Variants in KDR observed in about 807,000 individuals in gnomAD.
KDR encodes kinase insert domain receptor, also known as vascular endothelial growth factor receptor 2.
Under a neutral mutation model 160.9 loss-of-function variants are expected in KDR, and 43 were observed. That is an observed-to-expected ratio of 0.27 (90% CI 0.21 to 0.34). The LOEUF is 0.34. Among genes scored for constraint, KDR ranks in the 10% least tolerant of loss-of-function variants. KDR has a pLI of 1.00. For missense variants in KDR, 1,469 were observed against 1,666.4 expected (o/e 0.88, Z 2.06); for synonymous variants, 617 against 600.1 (o/e 1.03, Z -0.41).
chr4:55,109,361 A>G (rs1297487237), intron 9 of KDR, among the ~76,000 whole-genome samples: 1 of 152,008 alleles, frequency 6.6e-6, no homozygotes, highest in African/African-American at 2.4e-5. Context: ...GGGATTACAG[A>G]TGCAAACCAC....
Position 55,082,582 on chromosome 4 carries a change from A to C in KDR, c.3716T>G (p.Phe1239Cys). 6.2e-7 allele frequency: 1 copy of C among 1,613,942 alleles called. No individual in the cohort carries two copies. The highest frequency in any genetic ancestry group is 8.5e-7 in the Non-Finnish European group (1 of 1,179,906). ...RKSRPVSVKT[F>C]EDIPLEEPEV... ...TGGTTCTTCTAACGGGATATCTTCA[A>C]ATGTTTTTACACTCACAGGCCGGCT... The change falls in exon 28 of 30, where the codon TTT becomes TGT. Residue 1239 changes from phenylalanine to cysteine, a missense_variant. This residue lies in a region of KDR where 229 missense variants were observed against 197.8 expected (regional missense o/e 1.16). Transcript: ENST00000263923.
Position 55,107,864 on chromosome 4 carries a change from T to G in KDR, c.1285A>C (p.Ile429Leu). 1 of 1,613,886 alleles carries G rather than the reference T, an allele frequency of 6.2e-7. No homozygotes were observed. The highest frequency in any genetic ancestry group is 8.5e-7 in the Non-Finnish European group (1 of 1,179,886). Residue 429 changes from isoleucine to leucine, a missense_variant, in exon 10 of 30, where the codon ATC becomes CTC. Transcript: ENST00000263923. ...VPPQIGEKSL[I>L]SPVDSYQYGT... is the part of the protein sequence containing the mutation. Reference sequence around the variant, plus strand: ...TACTGGTAGGAATCCACAGGAGAGATTAGAGATTTCTCACCAATCTGGGGT... The same window carrying G: ...TACTGGTAGGAATCCACAGGAGAGAGTAGAGATTTCTCACCAATCTGGGGT...
chr4:55,121,263 A>C, intron 1 of KDR, 73 bp from the exon 2 acceptor site: 1 of 999,050 alleles, frequency 1.0e-6, no homozygotes, highest in Non-Finnish European at 1.6e-6. Context: ...TCCATAAACA[A>C]TGCATACTCT....
Position 55,078,690 on chromosome 4 carries a change from A to G in KDR, c.*1251T>C, listed in dbSNP as rs1719642952. On this transcript the variant is annotated 3_prime_UTR_variant, in exon 30 of 30. Coordinates refer to ENST00000263923, the MANE Select transcript of KDR (RefSeq NM_002253.4). ...ATAGTCATTGTTCCCAGCATTTCACACTATGGTACCAAACAAAAAACACAT... is the reference window on the plus strand; with the variant it reads ...ATAGTCATTGTTCCCAGCATTTCACGCTATGGTACCAAACAAAAAACACAT... The G allele has an allele frequency of 4.3e-6, 1 of 232,774 alleles. No homozygotes were observed. The highest frequency in any genetic ancestry group is 1.8e-4 in the South Asian group (1 of 5,534). The allele number at this position is 232,774 out of a possible 1,614,324, so 14.4% of individuals were successfully genotyped here. A position where few individuals can be genotyped will look rare whatever the true frequency, so the allele number is the denominator to read the frequency against.
In KDR at chr4:55,082,556, C is replaced by T. The variant is rs1719761869; in HGVS notation, c.3742G>A (p.Glu1248Lys). 2 of 1,612,668 alleles carry T rather than the reference C, an allele frequency of 1.2e-6. No individual in the cohort carries two copies. The highest frequency in any genetic ancestry group is 1.7e-6 in the Non-Finnish European group (2 of 1,178,786). ...CTTACATCTGGGATTACTTTTACTT[C>T]TGGTTCTTCTAACGGGATATCTTCA... is the stretch of plus-strand genomic sequence containing the variant. ...TFEDIPLEEP[E>K]VKVIPDDNQT... The change falls in exon 28 of 30, where the codon GAA becomes AAA. Residue 1248 changes from glutamate to lysine, a missense_variant. Physicochemically the swap from Glu to Lys is moderately conservative, Grantham distance 56. Transcript: ENST00000263923.
intron 2 of KDR, 109 bp from the exon 3 acceptor site, chr4:55,118,909 C>T (rs1720799054): frequency 1.1e-6 from 1 of 875,778 alleles, no homozygotes; most frequent in East Asian, 2.6e-5. Context: ...CTTCAACAGA[C>T]ACAGTCAGTC....
At chr4:55,110,838 A>G (rs937775228) in intron 7 of KDR, 70 bp from the exon 8 acceptor site, 17 of 1,297,622 alleles carry the variant, frequency 1.3e-5, no homozygotes, top group Non-Finnish European at 1.9e-5. Flanking sequence ...TTTTCATTTC[A>G]AGTGAAACGT....
intron 28 of KDR, 106 bp from the exon 29 acceptor site, chr4:55,082,147 T>A (rs932564308): frequency 2.3e-6 from 2 of 876,406 alleles, no homozygotes; most frequent in African/African-American, 3.3e-5. Context: ...TCAAATAAGG[T>A]CCTGTGGAAG....
rs2110010095 is a variant in KDR at position 55,088,875 on chromosome 4, G to C, written c.3503C>G (p.Ala1168Gly). 1.2e-6 allele frequency: 2 copies of C among 1,612,526 alleles called. No individual in the cohort carries two copies. The highest frequency in any genetic ancestry group is 1.7e-6 in the Non-Finnish European group (2 of 1,178,546). Residue 1168 changes from alanine (A) to glycine (G), a missense_variant, in exon 26 of 30, where the codon GCT becomes GGT. By Grantham distance (60) the Ala-to-Gly change is moderately conservative. Coordinates refer to ENST00000263923, the MANE Select transcript of KDR (RefSeq NM_002253.4). ...TGGATGGAGGTGACAAACCTGCTGA[G>C]CATTAGCTTGCAAGAGATTTCCCAA... Reference protein sequence around the residue: ...EHLGNLLQANAQQDGKDYIVL... With the variant: ...EHLGNLLQANGQQDGKDYIVL...
Position 55,087,699 on chromosome 4 carries a change from A to G in KDR, c.3570T>C (p.Ser1190=), listed in dbSNP as rs902490777. Residue 1190 remains serine, a synonymous_variant, in exon 27 of 30, where the codon TCT becomes TCC. Coordinates refer to ENST00000263923, the MANE Select transcript of KDR (RefSeq NM_002253.4). ...ISETLSMEED[S]GLSLPTSPVS... is the part of the protein sequence containing the mutation. Reference sequence around the variant, plus strand: ...CAGGTGAGGTAGGCAGAGAGAGTCCAGAATCCTCTTCCATGCTCAAAGTCT... The same window carrying G: ...CAGGTGAGGTAGGCAGAGAGAGTCCGGAATCCTCTTCCATGCTCAAAGTCT... The G allele has an allele frequency of 6.2e-7, 1 of 1,614,062 alleles. No individual in the cohort carries two copies. The highest frequency in any genetic ancestry group is 1.3e-5 in the African/African-American group (1 of 75,076).
intron 7 of KDR, among the ~76,000 whole-genome samples, chr4:55,112,170 A>C (rs1036450538): frequency 2.6e-5 from 4 of 152,176 alleles, no homozygotes; most frequent in African/African-American, 2.4e-5. Flanking sequence ...AAATAACACA[A>C]ACTTGAACTA....
In KDR at chr4:55,125,319, C is replaced by A; in HGVS notation, c.-26G>T. On this transcript the variant is annotated 5_prime_UTR_variant, in exon 1 of 30. Transcript: ENST00000263923. Reference sequence around the variant, plus strand: ...CCTGCACCTCGAGCCGGGCGAAATGCCCAGAACTCGGGAGCCGGTTCTTTC... The same window carrying A: ...CCTGCACCTCGAGCCGGGCGAAATGACCAGAACTCGGGAGCCGGTTCTTTC... 1 of 1,602,556 alleles carries A rather than the reference C, an allele frequency of 6.2e-7. No homozygotes were observed. Among genetic ancestry groups the A allele is most frequent in the Non-Finnish European group, 8.5e-7 (1 of 1,175,232 alleles).
intron 10 of KDR, among the ~76,000 whole-genome samples, chr4:55,107,078 GTTAAT>G (rs1005775739): frequency 1.3e-5 from 2 of 152,182 alleles, no homozygotes; most frequent in African/African-American, 4.8e-5. Context: ...GACAATTCAA[GTTAAT>G]TTAGTTCAAA....
chr4:55,082,474 T>C, intron 28 of KDR, 62 bp downstream of exon 28: 2 of 1,255,908 alleles, frequency 1.6e-6, no homozygotes, highest in Non-Finnish European at 2.3e-6. Flanking sequence ...GGCTAATATT[T>C]ATCTAGCTAG....
chr4:55,087,350 T>C (rs1432697910), intron 27 of KDR, among the ~76,000 whole-genome samples: 1 of 152,248 alleles, frequency 6.6e-6, no homozygotes, highest in Non-Finnish European at 1.5e-5. Flanking sequence ...AACTGTGGCA[T>C]TCCAGCTATT....
Position 55,079,742 on chromosome 4 carries a change from A to G in KDR, c.*199T>C. ...AGGATCAGGTCAACACTGGGAGAAG[A>G]CACAGACACATTCTTGGGTCACAAG... On this transcript the variant is annotated 3_prime_UTR_variant, in exon 30 of 30. Coordinates refer to ENST00000263923, the MANE Select transcript of KDR (RefSeq NM_002253.4). The G allele has an allele frequency of 1.6e-6, 1 of 627,228 alleles. No individual in the cohort carries two copies. Among genetic ancestry groups the G allele is most frequent in the Non-Finnish European group, 2.9e-6 (1 of 350,822 alleles). The allele number at this position is 627,228 out of a possible 1,614,324, so 38.9% of individuals were successfully genotyped here.
rs1357848255 is a variant in KDR, at chr4:55,114,235, G to A, written c.689C>T (p.Pro230Leu). 1.1e-5 allele frequency: 18 copies of A among 1,613,572 alleles called. No individual in the cohort carries two copies. Among genetic ancestry groups the A allele is most frequent in the East Asian group, 8.9e-5 (4 of 44,884 alleles). ...GYRIYDVVLSPSHGIELSVGE... is the reference protein window; with the variant it reads ...GYRIYDVVLSLSHGIELSVGE... Reference sequence around the variant, plus strand: ...AACAGATAGTTCAATTCCATGAGACGGACTCAGAACCACATCATAAATCCT... The same window carrying A: ...AACAGATAGTTCAATTCCATGAGACAGACTCAGAACCACATCATAAATCCT... The change falls in exon 6 of 30, where the codon CCG (proline) becomes CTG (leucine). Residue 230 changes from proline to leucine, a missense_variant. Physicochemically the swap from Pro to Leu is moderately conservative, Grantham distance 98. Transcript: ENST00000263923.
At chr4:55,097,088 C>T (rs991821360) in intron 18 of KDR, among the ~76,000 whole-genome samples, 2 of 152,106 alleles carry the variant, frequency 1.3e-5, no homozygotes, top group Non-Finnish European at 2.9e-5. Flanking sequence ...ACTGTCTAAC[C>T]TCCTAAAATG....
chr4:55,112,138 A>G (rs1425591167), intron 7 of KDR, among the ~76,000 whole-genome samples: 1 of 152,194 alleles, frequency 6.6e-6, no homozygotes, highest in Non-Finnish European at 1.5e-5. Context: ...ATTTAATTCC[A>G]GTTCAATTAC....
Sources: gnomAD v4.1 joint callset for allele counts (sites outside exome capture counted in the v4.1 genomes callset) on GRCh38, gnomAD v4.1.1 for gene constraint, gnomAD v4.1.1 regional missense constraint, MANE v1.5 for transcripts, NCBI Gene and HGNC (gene_info 2026-07-23, HGNC 2026-07-21) for gene names.